The following MRAP variants were observed in gnomAD, a reference collection of about 807,000 sequenced individuals.
MRAP encodes melanocortin 2 receptor accessory protein.
Under a neutral mutation model 8.7 loss-of-function variants are expected in MRAP, and 8 were observed. The ratio of observed to expected loss-of-function variants is 0.92; its 90% CI spans 0.54 to 1.66. MRAP has a LOEUF of 1.66. MRAP is among the 40% of genes most tolerant of loss of function. The pLI, the probability that MRAP is intolerant of heterozygous loss-of-function variation, is 0.00. For missense variants in MRAP, 237 were observed against 217.1 expected, an observed-to-expected ratio of 1.09 and a Z score of -0.58; for synonymous variants, 95 against 95.5, an observed-to-expected ratio of 1.00 and a Z score of 0.03.
chr21:32,301,057 C>A (rs1318879069), intron 1 of MRAP, among the ~76,000 whole-genome samples: 1 of 151,254 alleles, frequency 6.6e-6, no homozygotes, highest in East Asian at 1.9e-4. Context: ...TGATATATAT[C>A]ATATCATATA....
chr21:32,302,614 C>T (rs2032317469), intron 1 of MRAP, among the ~76,000 whole-genome samples: 1 of 152,212 alleles, frequency 6.6e-6, no homozygotes, highest in Non-Finnish European at 1.5e-5. Context: ...TAGGAACTCA[C>T]ATCCTTCTAG....
At chr21:32,294,181 C>G (rs537216978), upstream of MRAP, among the ~76,000 whole-genome samples, 8 of 152,318 alleles carry the variant, frequency 5.3e-5, no homozygotes, top group East Asian at 1.5e-3. Flanking sequence ...GTGGTGCAAT[C>G]TCGGCTCACT....
In MRAP at chr21:32,312,102, G is replaced by A. The variant is rs569463058; in HGVS notation, c.*106G>A. The A allele has an allele frequency of 6.3e-7, 1 of 1,580,472 alleles. No homozygotes were observed. Among genetic ancestry groups the A allele is most frequent in the South Asian group, 1.1e-5 (1 of 88,382 alleles). ...AGGCCATTTGCATGTAGCAGAAAGG[G>A]CACCTAGGTCAAGTGCAACTAGAGC... On this transcript the variant is annotated 3_prime_UTR_variant, in exon 3 of 3. Transcript: ENST00000303645.
rs993846297 is a variant in MRAP at position 32,300,352 on chromosome 21, CTA to C, written c.106+1277_106+1278del. The stretch of plus-strand genomic sequence containing the variant: ...TCCTATGTCAGGGGCGTCACGCGTC[CTA>C]TGTCAGATGTCACACATCCTATGTC... On this transcript the variant is annotated intron_variant, in intron 1 of 2. Coordinates refer to ENST00000303645, the MANE Select transcript of MRAP (RefSeq NM_001379228.1). 2.4e-4 allele frequency among the ~76,000 whole-genome samples: 37 copies of C among 151,970 alleles called. 1 individual carries two copies. The highest frequency in any genetic ancestry group is 2.9e-4 in the Non-Finnish European group (20 of 67,974).
intron 1 of MRAP, among the ~76,000 whole-genome samples, chr21:32,300,873 A>G (rs2032275032): frequency 6.6e-6 from 1 of 150,420 alleles, no homozygotes; most frequent in Non-Finnish European, 1.5e-5. Context: ...CATGCGTCCT[A>G]TGTCGGGTGT....
At chr21:32,309,237 G>C (rs890860543) in intron 2 of MRAP, among the ~76,000 whole-genome samples, 2 of 151,828 alleles carry the variant, frequency 1.3e-5, no homozygotes, top group Non-Finnish European at 1.5e-5. Flanking sequence ...CCAGCTCCCA[G>C]TGTTGCCACA....
At chr21:32,302,980 T>C (rs1022063594) in intron 1 of MRAP, among the ~76,000 whole-genome samples, 2 of 3,338 alleles carry the variant, frequency 6.0e-4, no homozygotes, top group South Asian at 5.4e-3. Context: ...CCCAATTCCC[T>C]TTTTTTTTTT....
At chr21:32,309,806 C>T (rs1248234049) in intron 2 of MRAP, among the ~76,000 whole-genome samples, 1 of 150,504 alleles carries the variant, frequency 6.6e-6, no homozygotes, top group Non-Finnish European at 1.5e-5. Context: ...AGCTGGGCAT[C>T]GTGGCCGGTG....
intron 1 of MRAP, among the ~76,000 whole-genome samples, chr21:32,304,168 A>C (rs1247949244): frequency 6.6e-6 from 1 of 152,220 alleles, no homozygotes; most frequent in Non-Finnish European, 1.5e-5. Flanking sequence ...AACCTAAAAT[A>C]TCCCTACAGA....
At chr21:32,314,072 G>A (rs1409481979), downstream of MRAP, 1 of 155,622 alleles carries the variant, frequency 6.4e-6, no homozygotes, top group Non-Finnish European at 1.4e-5. Context: ...TATTCTTTAA[G>A]GATTCAGTGT....
chr21:32,297,490 C>A (rs878967254), upstream of MRAP, among the ~76,000 whole-genome samples: 1 of 152,192 alleles, frequency 6.6e-6, no homozygotes, highest in Non-Finnish European at 1.5e-5. Context: ...CTGGATCAGG[C>A]GTGGAAAAAT....
upstream of MRAP, among the ~76,000 whole-genome samples, chr21:32,293,857 G>A (rs574767055): frequency 7.9e-5 from 12 of 151,610 alleles, no homozygotes; most frequent in East Asian, 2.1e-3. Flanking sequence ...TGTCAAAGGG[G>A]CAACATTTTT....
intron 1 of MRAP, among the ~76,000 whole-genome samples, chr21:32,304,540 G>A (rs1005438363): frequency 5.3e-5 from 8 of 151,846 alleles, no homozygotes; most frequent in African/African-American, 9.7e-5. Context: ...ACTTGAACCC[G>A]GCAGGCGGAG....
chr21:32,299,448 C>T (rs995122573), intron 1 of MRAP, among the ~76,000 whole-genome samples: 6 of 152,112 alleles, frequency 3.9e-5, no homozygotes, highest in African/African-American at 1.4e-4. Flanking sequence ...AATCCTCCTA[C>T]CTCAGCCTCC....
chr21:32,298,794 C>T (rs768905740), upstream of MRAP: 50 of 608,402 alleles, frequency 8.2e-5, no homozygotes, highest in Non-Finnish European at 8.1e-5. Flanking sequence ...GACACACCCC[C>T]CTGACCTTTC....
At chr21:32,308,891 G>T (rs540481678) in intron 2 of MRAP, among the ~76,000 whole-genome samples, 4 of 152,282 alleles carry the variant, frequency 2.6e-5, no homozygotes, top group Admixed American at 6.5e-5. Flanking sequence ...AACCCTAAGC[G>T]TAGGAAGCTG....
chr21:32,311,379 C>T (rs542394013), intron 2 of MRAP: 8 of 459,680 alleles, frequency 1.7e-5, no homozygotes, highest in Middle Eastern at 5.8e-4. Flanking sequence ...AGATACAGCG[C>T]TGGATGGGAG....
chr21:32,308,209 C>T (rs921169565), intron 2 of MRAP, among the ~76,000 whole-genome samples: 2 of 151,940 alleles, frequency 1.3e-5, no homozygotes, highest in African/African-American at 4.8e-5. Flanking sequence ...CCCATCTCTA[C>T]TGAAAATATT....
At chr21:32,304,953 GTTTTTTTTGTTGTTT>G (rs1224494153) in intron 1 of MRAP, among the ~76,000 whole-genome samples, 2 of 113,828 alleles carry the variant, frequency 1.8e-5, no homozygotes, top group Non-Finnish European at 3.5e-5. Flanking sequence ...AGGGGGATTT[GTTTTTTTTGTTGTTT>G]TTTTTTTTTT....
Sources: allele counts gnomAD v4.1 joint callset (sites outside exome capture counted in the v4.1 genomes callset), GRCh38; gene constraint gnomAD v4.1.1; transcripts MANE v1.5; gene names NCBI Gene and HGNC (gene_info 2026-07-23, HGNC 2026-07-21).